Variants in CSMD1 observed in about 807,000 individuals in gnomAD.
CSMD1 encodes CUB and sushi domain-containing protein 1.
A neutral mutation model predicts 417.5 loss-of-function variants in CSMD1; 213 were observed. The observed-to-expected ratio is 0.51, with a 90% CI of 0.46 to 0.57. The LOEUF is 0.57. CSMD1 is among the 20% of genes least tolerant of loss of function. The pLI, the probability that CSMD1 is intolerant of heterozygous loss-of-function variation, is 0.00. For missense variants in CSMD1, 6,923 were observed against 4,529.7 expected, an observed-to-expected ratio of 1.53 and a Z score of -15.17; for synonymous variants, 2,862 against 1,736.8, an observed-to-expected ratio of 1.65 and a Z score of -16.11.
At chr8:4,767,401 C>G (rs1256987262) in intron 1 of CSMD1, among the ~76,000 whole-genome samples, 2 of 152,114 alleles carry the variant, frequency 1.3e-5, no homozygotes, top group Non-Finnish European at 2.9e-5. Context: ...TATTCTGGTA[C>G]CTGTGCACTA....
intron 5 of CSMD1, among the ~76,000 whole-genome samples, chr8:3,813,486 A>G (rs757073359): frequency 2.0e-5 from 3 of 152,118 alleles, no homozygotes; most frequent in Non-Finnish European, 2.9e-5. Flanking sequence ...TTGGACTTTT[A>G]TGTGCATTAA....
At chr8:4,127,415 C>G (rs1444134964) in intron 3 of CSMD1, among the ~76,000 whole-genome samples, 1 of 139,594 alleles carries the variant, frequency 7.2e-6, no homozygotes, top group Admixed American at 7.6e-5. Flanking sequence ...CTAAACCAAC[C>G]ACCTTTTCTG....
At chr8:3,700,136 G>A (rs373557396) in intron 7 of CSMD1, among the ~76,000 whole-genome samples, 3 of 152,270 alleles carry the variant, frequency 2.0e-5, no homozygotes, top group South Asian at 2.1e-4. Context: ...AGGGATAAAA[G>A]ACAACAAATA....
intron 2 of CSMD1, among the ~76,000 whole-genome samples, chr8:4,549,135 C>T (rs1336415499): frequency 6.6e-6 from 1 of 152,042 alleles, no homozygotes; most frequent in Non-Finnish European, 1.5e-5. Context: ...TAGCATCTTG[C>T]CCCAATTGTC....
chr8:4,051,565 C>T (rs924160155), intron 3 of CSMD1, among the ~76,000 whole-genome samples: 10 of 152,302 alleles, frequency 6.6e-5, no homozygotes, highest in African/African-American at 1.9e-4. Context: ...AACAATCAAG[C>T]AAACCTCTGT....
At chr8:4,453,557 C>G (rs1319630568) in intron 2 of CSMD1, among the ~76,000 whole-genome samples, 1 of 152,168 alleles carries the variant, frequency 6.6e-6, no homozygotes. Flanking sequence ...ATAACTTGGG[C>G]CACATGACTG....
At chr8:3,717,709 A>G (rs1395585784) in intron 6 of CSMD1, among the ~76,000 whole-genome samples, 1 of 152,246 alleles carries the variant, frequency 6.6e-6, no homozygotes, top group Non-Finnish European at 1.5e-5. Context: ...TAATATTGGT[A>G]GAATAAAAAT....
intron 56 of CSMD1, among the ~76,000 whole-genome samples, chr8:2,973,846 T>C (rs1489470896): frequency 2.7e-5 from 4 of 150,824 alleles, no homozygotes; most frequent in Non-Finnish European, 5.9e-5. Flanking sequence ...AGGATGATGG[T>C]AGAGGATGAT....
At chr8:3,283,155 A>G (rs1159762632) in intron 26 of CSMD1, among the ~76,000 whole-genome samples, 1 of 152,156 alleles carries the variant, frequency 6.6e-6, no homozygotes, top group African/African-American at 2.4e-5. Context: ...CCTCTGTCAT[A>G]TTAGCTTCTT....
chr8:3,781,692 C>T (rs373353678), intron 5 of CSMD1, among the ~76,000 whole-genome samples: 158 of 152,286 alleles, frequency 1.0e-3, no homozygotes, highest in African/African-American at 3.7e-3. Flanking sequence ...TGGACTCCAG[C>T]CTACGGAGGT....
chr8:3,076,004 T>C (rs899393036), intron 49 of CSMD1, among the ~76,000 whole-genome samples: 2 of 149,944 alleles, frequency 1.3e-5, no homozygotes, highest in African/African-American at 4.9e-5. Context: ...TGAGCCGAGA[T>C]CGCGCCACTG....
chr8:4,690,760 C>A (rs1245851735), intron 1 of CSMD1, among the ~76,000 whole-genome samples: 1 of 152,122 alleles, frequency 6.6e-6, no homozygotes, highest in Admixed American at 6.6e-5. Flanking sequence ...GACAGAATCT[C>A]ACTCTGTCAC....
At chr8:4,567,205 G>C (rs1370289371) in intron 2 of CSMD1, among the ~76,000 whole-genome samples, 1 of 152,166 alleles carries the variant, frequency 6.6e-6, no homozygotes, top group African/African-American at 2.4e-5. Context: ...TTATGTCACA[G>C]AGCATGAACA....
chr8:4,859,430 A>G (rs573157189), intron 1 of CSMD1, among the ~76,000 whole-genome samples: 2 of 151,582 alleles, frequency 1.3e-5, no homozygotes, highest in South Asian at 4.2e-4. Context: ...TCTAATTAAG[A>G]GCTTCTGCAC....
intron 23 of CSMD1, among the ~76,000 whole-genome samples, chr8:3,331,817 T>C (rs1434837482): frequency 6.6e-6 from 1 of 152,236 alleles, no homozygotes; most frequent in Non-Finnish European, 1.5e-5. Context: ...GTTACTCCTA[T>C]TTCTTTATGT....
At chr8:4,638,820 C>T (rs1333586156) in intron 1 of CSMD1, among the ~76,000 whole-genome samples, 3 of 152,152 alleles carry the variant, frequency 2.0e-5, no homozygotes, top group East Asian at 3.8e-4. Flanking sequence ...CACAAAGCCA[C>T]CTTGAAGCCA....
chr8:4,335,770 T>C (rs970906787), intron 3 of CSMD1, among the ~76,000 whole-genome samples: 10 of 152,042 alleles, frequency 6.6e-5, no homozygotes, highest in Non-Finnish European at 8.8e-5. Context: ...CATCAATACC[T>C]GAAGAGGAAC....
In CSMD1 at chr8:4,031,927, G is replaced by C; in HGVS notation, c.588C>G (p.Asp196Glu). 2 of 1,613,706 alleles carry C rather than the reference G, an allele frequency of 1.2e-6. No individual in the cohort carries two copies. Among genetic ancestry groups the C allele is most frequent in the Non-Finnish European group, 1.7e-6 (2 of 1,179,800 alleles). The change falls in exon 4 of 70, where the codon GAC becomes GAG. Residue 196 changes from aspartate to glutamate, a missense_variant. By Grantham distance (45) the Asp-to-Glu change is conservative (BLOSUM62 2). Transcript: ENST00000635120. ...TACCTCTGCAAAAGGGAGCTGGGAA[G>C]TCCCACGATGCACCATTTCCTGGGC... is the stretch of plus-strand genomic sequence containing the variant. ...IVSPGNGASWDFPAPFCRAEG... is the reference protein window; with the variant it reads ...IVSPGNGASWEFPAPFCRAEG...
At chr8:3,611,084 G>T (rs370429722) in intron 8 of CSMD1, among the ~76,000 whole-genome samples, 1 of 107,654 alleles carries the variant, frequency 9.3e-6, no homozygotes, top group Admixed American at 1.2e-4. Flanking sequence ...AACTGTTGTG[G>T]GGTGGGGGGA....
Sources: gnomAD v4.1 joint callset for allele counts (sites outside exome capture counted in the v4.1 genomes callset) on GRCh38, gnomAD v4.1.1 for gene constraint, MANE v1.5 for transcripts, NCBI Gene and HGNC (gene_info 2026-07-23, HGNC 2026-07-21) for gene names.